The following SIL1 variants were observed in gnomAD, a reference collection of about 807,000 sequenced individuals.
SIL1 encodes SIL1 nucleotide exchange factor, also known as nucleotide exchange factor SIL1.
A neutral mutation model predicts 49.1 loss-of-function variants in SIL1; 40 were observed. The ratio of observed to expected loss-of-function variants is 0.81; its 90% CI spans 0.63 to 1.06. The LOEUF (loss-of-function observed/expected upper bound fraction) is 1.06, where lower values mean the gene tolerates loss of function less well. SIL1 is among the 50% of genes least tolerant of loss of function. The pLI is 0.00. For synonymous variants in SIL1, 253 were observed against 250.8 expected, an observed-to-expected ratio of 1.01 and a Z score of -0.08; for missense variants, 500 against 572.6, an observed-to-expected ratio of 0.87 and a Z score of 1.29.
chr5:139,185,652 A>G lies in SIL1; in HGVS notation c.-11+12617T>C, dbSNP rs142743123. 2.1e-4 allele frequency among the ~76,000 whole-genome samples: 32 copies of G among 152,208 alleles called. 2 individuals are homozygous for G. The highest frequency in any genetic ancestry group is 1.7e-3 in the Admixed American group (26 of 15,280). On this transcript the variant is annotated intron_variant, in intron 1 of 9. Transcript: ENST00000394817. ...GAAAAGTAAGTCTCCCTCCTTCCCA[A>G]TTCTCTAGTTACCCAGGGCCTCTCA...
intron 3 of SIL1, among the ~76,000 whole-genome samples, chr5:139,114,443 G>T (rs1042738749): frequency 1.3e-5 from 2 of 152,154 alleles, no homozygotes; most frequent in African/African-American, 2.4e-5. Context: ...CCCAGTACAG[G>T]ATAATTTGAA....
chr5:139,003,202 G>T (rs987683543), intron 7 of SIL1, among the ~76,000 whole-genome samples: 6 of 152,102 alleles, frequency 3.9e-5, no homozygotes, highest in Non-Finnish European at 7.4e-5. Context: ...CAGGAGATGA[G>T]CTGAAGAAGG....
intron 5 of SIL1, among the ~76,000 whole-genome samples, chr5:139,029,407 CACA>C (rs1768736659): frequency 6.6e-6 from 1 of 152,158 alleles, no homozygotes; most frequent in Non-Finnish European, 1.5e-5. Context: ...TGAGAAATTT[CACA>C]ACATTGAAAG....
chr5:139,085,300 C>T (rs763027271), intron 3 of SIL1, among the ~76,000 whole-genome samples: 1 of 152,048 alleles, frequency 6.6e-6, no homozygotes, highest in Non-Finnish European at 1.5e-5. Flanking sequence ...GGTCGTGGGG[C>T]CTCACAGTTC....
intron 1 of SIL1, among the ~76,000 whole-genome samples, chr5:139,150,467 C>G (rs185914370): frequency 1.3e-5 from 2 of 152,212 alleles, no homozygotes; most frequent in African/African-American, 2.4e-5. Context: ...TGTCCCTCCC[C>G]CTATGCTCCT....
At chr5:139,120,972 A>G in intron 3 of SIL1, 63 bp downstream of exon 3, 1 of 1,602,590 alleles carries the variant, frequency 6.2e-7, no homozygotes, top group Non-Finnish European at 8.5e-7. Context: ...CCCTCTGGGG[A>G]CAAAGGACAT....
chr5:139,056,616 C>A (rs1373401123), intron 3 of SIL1, among the ~76,000 whole-genome samples: 1 of 146,812 alleles, frequency 6.8e-6, no homozygotes, highest in Non-Finnish European at 1.5e-5. Context: ...GCCCCCCGCC[C>A]GGCCAGCCGC....
At position 138,951,806 on chromosome 5, in the gene SIL1, C is replaced by T. The variant is rs767706941; in HGVS notation, c.846G>A (p.Pro282=). 1.2e-5 allele frequency: 20 copies of T among 1,613,850 alleles called. No homozygotes were observed. Among genetic ancestry groups the T allele is most frequent in the East Asian group, 6.7e-5 (3 of 44,892 alleles). The change falls in exon 8 of 10, where the codon CCG becomes CCA. Residue 282 remains proline, a synonymous_variant. Transcript: ENST00000394817. ...KLLVILATEQ[P]LTAKKKVLFA... ...AACACACCTTCTTCTTTGCAGTGAG[C>T]GGCTGCTCCGTGGCCAGGATGACCA...
intron 7 of SIL1, among the ~76,000 whole-genome samples, chr5:138,986,966 A>G (rs1767661328): frequency 6.6e-6 from 1 of 152,102 alleles, no homozygotes; most frequent in East Asian, 1.9e-4. Context: ...ATTGGATCAG[A>G]CAACAGAAAG....
intron 1 of SIL1, among the ~76,000 whole-genome samples, chr5:139,156,776 G>A (rs1751414769): frequency 6.6e-6 from 1 of 152,238 alleles, no homozygotes; most frequent in Admixed American, 6.5e-5. Context: ...AGGGAGCACA[G>A]CCCTGCCAAT....
At chr5:139,008,697 T>C (rs1768179789) in intron 7 of SIL1, among the ~76,000 whole-genome samples, 1 of 150,184 alleles carries the variant, frequency 6.7e-6, no homozygotes, top group Non-Finnish European at 1.5e-5. Context: ...ACATCTTTAT[T>C]TCTGCCTTCA....
chr5:139,064,317 C>G (rs1769654914), intron 3 of SIL1, among the ~76,000 whole-genome samples: 1 of 152,194 alleles, frequency 6.6e-6, no homozygotes, highest in Non-Finnish European at 1.5e-5. Flanking sequence ...TAGACCAGCT[C>G]TAAAGGATGG....
In SIL1 at chr5:139,090,381, T is replaced by A. The variant is rs529817112; in HGVS notation, c.244+30654A>T. On this transcript the variant is annotated intron_variant, in intron 3 of 9. Transcript: ENST00000394817. ...CTTCTGGGGCTCATCAGTTCTCATG[T>A]CTCCAACTGCCATCTAGATACACAT... 1.6e-4 allele frequency among the ~76,000 whole-genome samples: 25 copies of A among 152,168 alleles called. No individual in the cohort carries two copies. In the South Asian group the frequency reaches 5.2e-3, roughly 32 times the overall value.
rs964861322 is a variant in SIL1 at position 139,098,912 on chromosome 5, G to T, written c.244+22123C>A. ...GCTCACCACAACCTCTGCCTCCCAG[G>T]TTCAAGTGATTCTCCTGTCTCAGCC... On this transcript the variant is annotated intron_variant, in intron 3 of 9. Coordinates refer to ENST00000394817, the MANE Select transcript of SIL1 (RefSeq NM_022464.5). 1.1e-4 allele frequency among the ~76,000 whole-genome samples: 16 copies of T among 143,328 alleles called. 1 individual carries two copies. Among genetic ancestry groups the T allele is most frequent in the South Asian group, 2.3e-4 (1 of 4,320 alleles). The allele number at this position is 143,328 out of a possible 152,430, so 94.0% of individuals were successfully genotyped here.
chr5:139,192,578 C>A (rs1408030516), intron 1 of SIL1, among the ~76,000 whole-genome samples: 1 of 152,192 alleles, frequency 6.6e-6, no homozygotes, highest in African/African-American at 2.4e-5. Context: ...GATGTCCAGT[C>A]TGGGGACACC....
chr5:138,995,807 T>C (rs1767858403), intron 7 of SIL1, among the ~76,000 whole-genome samples: 1 of 152,240 alleles, frequency 6.6e-6, no homozygotes, highest in Non-Finnish European at 1.5e-5. Context: ...AGTGAGAACA[T>C]GTGATATTTG....
chr5:139,145,019 A>T (rs950830685), intron 1 of SIL1, among the ~76,000 whole-genome samples: 12 of 152,348 alleles, frequency 7.9e-5, no homozygotes, highest in Non-Finnish European at 1.6e-4. Context: ...AAATATTTTT[A>T]AAATTTTTGT....
Position 138,951,170 on chromosome 5 carries a change from C to G in SIL1, c.1029+1G>C. ...GAGACTGGGTGGGCCTGGGCACTCACCTTCTCCGTGACCAGGTCGTAGAGC... is the reference window on the plus strand; with the variant it reads ...GAGACTGGGTGGGCCTGGGCACTCAGCTTCTCCGTGACCAGGTCGTAGAGC... On this transcript the variant is annotated splice_donor_variant, in intron 9 of 9. Coordinates refer to ENST00000394817, the MANE Select transcript of SIL1 (RefSeq NM_022464.5). LOFTEE classifies it high-confidence loss of function. 6.2e-7 allele frequency: 1 copy of G among 1,611,054 alleles called. No individual in the cohort carries two copies. The highest frequency in any genetic ancestry group is 8.5e-7 in the Non-Finnish European group (1 of 1,178,682).
At chr5:138,949,111 G>A (rs1017748472) in intron 9 of SIL1, among the ~76,000 whole-genome samples, 6 of 152,236 alleles carry the variant, frequency 3.9e-5, no homozygotes, top group East Asian at 1.9e-4. Flanking sequence ...GCTCAGGGAC[G>A]ACAGGGACTG....
Sources: allele counts gnomAD v4.1 joint callset (sites outside exome capture counted in the v4.1 genomes callset), GRCh38; gene constraint gnomAD v4.1.1; transcripts MANE v1.5; gene names NCBI Gene and HGNC (gene_info 2026-07-23, HGNC 2026-07-21).